QKI: variants seen among roughly 807,000 people sequenced by gnomAD.
QKI encodes QKI, KH domain containing RNA binding, also known as KH domain-containing RNA-binding protein QKI.
In QKI, 10 loss-of-function variants were observed where a neutral mutation model predicts 39.0. The ratio of observed to expected loss-of-function variants is 0.26; its 90% CI spans 0.16 to 0.43. QKI has a LOEUF of 0.43. QKI is among the 20% of genes least tolerant of loss of function. The pLI is 1.00. For synonymous variants in QKI, 204 were observed against 155.4 expected (o/e 1.31, Z -2.33); for missense variants, 218 against 428.0 (o/e 0.51, Z 4.33).
rs73015373 is a variant in QKI, at chr6:163,457,603, T to C, written c.285+2182T>C. On this transcript the variant is annotated intron_variant, in intron 2 of 7. Transcript: ENST00000361752. Reference sequence around the variant, plus strand: ...TGTTAAGCCCTGTAGATAATTCCGATGCATGCTGAAGTATGAGAATCACTC... The same window carrying C: ...TGTTAAGCCCTGTAGATAATTCCGACGCATGCTGAAGTATGAGAATCACTC... 3,110 of 360,156 alleles carry C rather than the reference T, an allele frequency of 8.6e-3. 30 individuals are homozygous for C. The highest frequency in any genetic ancestry group is 0.013 in the Non-Finnish European group (2,389 of 182,378). 22.3% of individuals were successfully genotyped at this position (360,156 alleles called of 1,614,324 possible).
rs991718758 is a variant in QKI, at chr6:163,553,046, C to CTT, written c.547-8925_547-8924dup. Among the ~76,000 whole-genome samples the CTT allele has an allele frequency of 2.7e-3, 364 of 135,070 alleles. 3 individuals carry two copies. The highest frequency in any genetic ancestry group is 4.7e-3 in the South Asian group (19 of 4,070). 88.6% of individuals were successfully genotyped at this position (135,070 alleles called of 152,430 possible). ...TTTAGATAGTCATAATTTTCAGGTT[C>CTT]TTTTTTTTTTTTAATTTTTATTTAT... On this transcript the variant is annotated intron_variant, in intron 4 of 7. Transcript: ENST00000361752.
intron 3 of QKI, among the ~76,000 whole-genome samples, chr6:163,520,102 AG>A (rs1780058360): frequency 6.6e-6 from 1 of 152,178 alleles, no homozygotes; most frequent in Non-Finnish European, 1.5e-5. Flanking sequence ...GGTTGATAAT[AG>A]GGAGAGGAAT....
At chr6:163,553,515 A>G (rs544265218) in intron 4 of QKI, among the ~76,000 whole-genome samples, 1 of 152,288 alleles carries the variant, frequency 6.6e-6, no homozygotes, top group East Asian at 1.9e-4. Context: ...ATCCGTCTAA[A>G]ATAACAATCA....
chr6:163,431,232 T>G (rs1400636628), intron 1 of QKI, among the ~76,000 whole-genome samples: 2 of 152,164 alleles, frequency 1.3e-5, no homozygotes, highest in African/African-American at 4.8e-5. Flanking sequence ...AGGTTTCAAT[T>G]GAAAGGAAGC....
At chr6:163,470,216 G>A (rs919760878) in intron 2 of QKI, among the ~76,000 whole-genome samples, 27 of 152,158 alleles carry the variant, frequency 1.8e-4, no homozygotes, top group African/African-American at 5.3e-4. Context: ...GGGGGATAGC[G>A]TTTGGAGTCT....
chr6:163,419,141 A>G (rs1787785509), intron 1 of QKI, among the ~76,000 whole-genome samples: 1 of 152,058 alleles, frequency 6.6e-6, no homozygotes, highest in Non-Finnish European at 1.5e-5. Flanking sequence ...TTTCTGTCTG[A>G]CCTCAGTTTA....
chr6:163,527,853 A>G (rs1371986188), intron 3 of QKI, among the ~76,000 whole-genome samples: 1 of 152,190 alleles, frequency 6.6e-6, no homozygotes, highest in Non-Finnish European at 1.5e-5. Flanking sequence ...GGAAATACGC[A>G]TTGTATATTA....
chr6:163,469,019 T>A (rs1404654425), intron 2 of QKI, among the ~76,000 whole-genome samples: 1 of 152,148 alleles, frequency 6.6e-6, no homozygotes, highest in Admixed American at 6.6e-5. Flanking sequence ...TTGAGCTGTT[T>A]GTGGCTTCTT....
At chr6:163,545,769 A>C (rs961684728) in intron 4 of QKI, among the ~76,000 whole-genome samples, 5 of 151,954 alleles carry the variant, frequency 3.3e-5, no homozygotes, top group African/African-American at 1.2e-4. Flanking sequence ...TGTAATTCTA[A>C]ATTTTAGGCG....
At chr6:163,425,399 T>A (rs1271618347) in intron 1 of QKI, among the ~76,000 whole-genome samples, 1 of 152,198 alleles carries the variant, frequency 6.6e-6, no homozygotes, top group Non-Finnish European at 1.5e-5. Context: ...CCAGAATACA[T>A]AGTCTGAATT....
At chr6:163,488,980 T>C (rs1777870858) in intron 3 of QKI, among the ~76,000 whole-genome samples, 2 of 150,626 alleles carry the variant, frequency 1.3e-5, no homozygotes, top group East Asian at 3.9e-4. Context: ...TTTCTTTTTT[T>C]TTTTTTTTTT....
At chr6:163,450,693 G>A (rs1201224331) in intron 1 of QKI, among the ~76,000 whole-genome samples, 2 of 151,812 alleles carry the variant, frequency 1.3e-5, no homozygotes, top group Non-Finnish European at 2.9e-5. Context: ...GTAGTAACAG[G>A]TTTTCAGGCC....
chr6:163,506,462 A>G (rs1331149294), intron 3 of QKI, among the ~76,000 whole-genome samples: 2 of 152,180 alleles, frequency 1.3e-5, no homozygotes, highest in Admixed American at 6.6e-5. Context: ...GTACAAATGA[A>G]GAAGAATACC....
At chr6:163,512,888 A>G (rs759593682) in intron 3 of QKI, among the ~76,000 whole-genome samples, 15 of 152,180 alleles carry the variant, frequency 9.9e-5, no homozygotes, top group Non-Finnish European at 2.2e-4. Flanking sequence ...AAAGAACAGT[A>G]GAGTAGATTA....
Position 163,553,883 on chromosome 6 carries a change from G to A in QKI, c.547-8099G>A, listed in dbSNP as rs1782418980. Among the ~76,000 whole-genome samples the A allele has an allele frequency of 3.3e-5, 5 of 152,078 alleles. No homozygotes were observed. The South Asian group carries it at 1.0e-3, about 32-fold the overall frequency. On this transcript the variant is annotated intron_variant, in intron 4 of 7. Transcript: ENST00000361752. ...GTGTTTGAGTGTTTTAAGCTTTTCT[G>A]GTTAAATAAAGTGCCTGACACTTTC...
At chr6:163,521,909 C>T (rs1338729298) in intron 3 of QKI, among the ~76,000 whole-genome samples, 3 of 152,008 alleles carry the variant, frequency 2.0e-5, no homozygotes, top group Admixed American at 6.6e-5. Context: ...ATTGAGGAAG[C>T]GGGATGTGCT....
intron 4 of QKI, among the ~76,000 whole-genome samples, chr6:163,554,666 C>T (rs143223454): frequency 1.2e-4 from 18 of 152,292 alleles, no homozygotes; most frequent in African/African-American, 3.8e-4. Context: ...ATGGAGCCAC[C>T]GTCTACTTTA....
Position 163,455,421 on chromosome 6 carries a change from T to G in QKI, c.285T>G (p.Asp95Glu). Residue 95 changes from aspartate (D) to glutamate (E), a missense_variant and splice_region_variant, in exon 2 of 8, where the codon GAT becomes GAG. Asp to Glu is a conservative substitution (Grantham distance 45, BLOSUM62 2). Around this residue, in one of 3 missense-constraint regions of QKI, gnomAD observed 61 missense variants for 193.3 expected, o/e 0.32. Coordinates refer to ENST00000361752, the MANE Select transcript of QKI (RefSeq NM_006775.3). ...ATGTGCCTGTAAAAGAATACCCAGA[T>G]GTAAGTATATTTTGTTGTTTTATTC... ...KLYVPVKEYP[D>E]FNFVGRILGP... The G allele has an allele frequency of 6.2e-7, 1 of 1,609,258 alleles. No homozygotes were observed. The highest frequency in any genetic ancestry group is 8.5e-7 in the Non-Finnish European group (1 of 1,176,706).
chr6:163,426,806 T>C (rs2128209444), intron 1 of QKI, among the ~76,000 whole-genome samples: 1 of 152,304 alleles, frequency 6.6e-6, no homozygotes, highest in South Asian at 2.1e-4. Context: ...CAAAGTAAAG[T>C]GTTGGTTTGC....
Sources: gnomAD v4.1 joint callset for allele counts (sites outside exome capture counted in the v4.1 genomes callset) on GRCh38, gnomAD v4.1.1 for gene constraint, gnomAD v4.1.1 regional missense constraint, MANE v1.5 for transcripts, NCBI Gene and HGNC (gene_info 2026-07-23, HGNC 2026-07-21) for gene names.